CPQ: variants seen among roughly 807,000 people sequenced by gnomAD.
CPQ encodes Ser-Met dipeptidase.
Under a neutral mutation model 45.7 loss-of-function variants are expected in CPQ, and 37 were observed. That is an observed-to-expected ratio of 0.81 (90% CI 0.62 to 1.07). The LOEUF (loss-of-function observed/expected upper bound fraction) is 1.07. Among genes scored for constraint, CPQ ranks in the 50% least tolerant of loss-of-function variants. CPQ has a pLI of 0.00. For missense variants in CPQ, 537 were observed against 572.9 expected, an observed-to-expected ratio of 0.94 and a Z score of 0.64; for synonymous variants, 186 against 205.8, an observed-to-expected ratio of 0.90 and a Z score of 0.82.
chr8:96,771,263 C>T (rs985300235), intron 1 of CPQ, among the ~76,000 whole-genome samples: 1 of 151,466 alleles, frequency 6.6e-6, no homozygotes, highest in East Asian at 1.9e-4. Flanking sequence ...TTCTATTGTG[C>T]TCTTTACCTG....
chr8:97,080,459 A>G lies in CPQ; in HGVS notation c.1255+14249A>G, dbSNP rs146250889. On this transcript the variant is annotated intron_variant, in intron 7 of 7. Coordinates refer to ENST00000220763, the MANE Select transcript of CPQ (RefSeq NM_016134.4). ...AAATCACAGGAAAAACATCACAATT[A>G]AAGAGATTTTGGTAAAACTGAGTTA... 9.8e-5 allele frequency among the ~76,000 whole-genome samples: 15 copies of G among 152,344 alleles called. No individual in the cohort carries two copies. The East Asian group carries it at 2.1e-3, about 22-fold the overall frequency.
chr8:97,036,235 G>A (rs990343437), intron 6 of CPQ, among the ~76,000 whole-genome samples: 1 of 152,104 alleles, frequency 6.6e-6, no homozygotes, highest in Admixed American at 6.5e-5. Flanking sequence ...AGCCCAAAGG[G>A]GAGGACGATT....
chr8:97,129,608 C>G (rs1811906267), intron 7 of CPQ, among the ~76,000 whole-genome samples: 1 of 152,128 alleles, frequency 6.6e-6, no homozygotes, highest in Non-Finnish European at 1.5e-5. Flanking sequence ...TTCCCAATCT[C>G]TGTACCACGC....
chr8:97,067,973 C>T (rs897157939), intron 7 of CPQ, among the ~76,000 whole-genome samples: 8 of 152,256 alleles, frequency 5.3e-5, no homozygotes, highest in African/African-American at 1.9e-4. Flanking sequence ...GAATAAGCTG[C>T]TGTGTGGTAG....
At chr8:96,860,538 G>C (rs758477253) in intron 3 of CPQ, among the ~76,000 whole-genome samples, 10 of 152,126 alleles carry the variant, frequency 6.6e-5, no homozygotes, top group Non-Finnish European at 1.5e-4. Context: ...CAGACCATGA[G>C]GAGTGGGAAA....
chr8:97,011,872 A>C (rs1173324666), intron 5 of CPQ, among the ~76,000 whole-genome samples: 2 of 151,954 alleles, frequency 1.3e-5, no homozygotes, highest in Non-Finnish European at 2.9e-5. Flanking sequence ...CTATGCCATT[A>C]CTCTCATCCA....
intron 4 of CPQ, among the ~76,000 whole-genome samples, chr8:96,896,452 T>A (rs1812444133): frequency 6.6e-6 from 1 of 152,178 alleles, no homozygotes; most frequent in South Asian, 2.1e-4. Flanking sequence ...GTCACTTTCC[T>A]GTCTCTGTGC....
At chr8:96,825,596 CATAAA>C (rs1811369597) in intron 2 of CPQ, among the ~76,000 whole-genome samples, 1 of 152,042 alleles carries the variant, frequency 6.6e-6, no homozygotes, top group Non-Finnish European at 1.5e-5. Flanking sequence ...AATGAACTTT[CATAAA>C]ATGAAATCCA....
At chr8:96,924,247 G>A (rs1021558872) in intron 4 of CPQ, among the ~76,000 whole-genome samples, 2 of 152,290 alleles carry the variant, frequency 1.3e-5, no homozygotes, top group East Asian at 1.9e-4. Context: ...TTAAATGGAA[G>A]CATATCAGAG....
At chr8:96,880,030 A>G (rs1415069542) in intron 4 of CPQ, 25 bp downstream of exon 4, 1 of 1,590,862 alleles carries the variant, frequency 6.3e-7, no homozygotes, top group South Asian at 1.1e-5. Flanking sequence ...AGGCTGGCCT[A>G]AGAATACAGT....
At chr8:96,976,527 A>G (rs1009127204) in intron 5 of CPQ, among the ~76,000 whole-genome samples, 2 of 152,124 alleles carry the variant, frequency 1.3e-5, no homozygotes, top group African/African-American at 2.4e-5. Flanking sequence ...ACCAAAAAAG[A>G]GCCCGCATAG....
chr8:96,991,417 G>A (rs886455935), intron 5 of CPQ, among the ~76,000 whole-genome samples: 2 of 151,914 alleles, frequency 1.3e-5, no homozygotes, highest in Admixed American at 6.6e-5. Context: ...TTAGCTGGGC[G>A]TGGTGGCAGG....
intron 4 of CPQ, among the ~76,000 whole-genome samples, chr8:96,880,723 T>C (rs1397886246): frequency 1.3e-5 from 2 of 151,510 alleles, no homozygotes; most frequent in Non-Finnish European, 2.9e-5. Flanking sequence ...GAGCTAATCA[T>C]TGGGTACATG....
At chr8:97,124,832 C>A (rs1442424882) in intron 7 of CPQ, among the ~76,000 whole-genome samples, 5 of 152,002 alleles carry the variant, frequency 3.3e-5, no homozygotes, top group Non-Finnish European at 7.4e-5. Flanking sequence ...GAAGAAAGTT[C>A]TAAAATCAGT....
At chr8:96,692,247 C>T (rs1422792649) in intron 1 of CPQ, among the ~76,000 whole-genome samples, 1 of 152,156 alleles carries the variant, frequency 6.6e-6, no homozygotes, top group Non-Finnish European at 1.5e-5. Context: ...AGTAGAAGTG[C>T]AAGATTGTAC....
chr8:96,978,633 C>T (rs1248620879), intron 5 of CPQ, among the ~76,000 whole-genome samples: 3 of 152,102 alleles, frequency 2.0e-5, no homozygotes. Flanking sequence ...AGCTTCCTCC[C>T]CGATGTATGC....
chr8:97,045,255 A>G (rs1810222104), intron 6 of CPQ, among the ~76,000 whole-genome samples: 1 of 152,166 alleles, frequency 6.6e-6, no homozygotes, highest in Non-Finnish European at 1.5e-5. Context: ...TGTGCTAGCA[A>G]TCAGTGAGAC....
chr8:96,930,356 G>A (rs1054604253), intron 4 of CPQ, among the ~76,000 whole-genome samples: 1 of 152,284 alleles, frequency 6.6e-6, no homozygotes, highest in South Asian at 2.1e-4. Flanking sequence ...CCAAAGAGTT[G>A]GTTGAGATAG....
intron 1 of CPQ, among the ~76,000 whole-genome samples, chr8:96,730,363 T>G (rs936628902): frequency 3.9e-5 from 6 of 152,194 alleles, no homozygotes; most frequent in African/African-American, 1.4e-4. Context: ...TTGAGTTTGT[T>G]CTTCTTTGGT....
Sources: gnomAD v4.1 joint callset for allele counts (sites outside exome capture counted in the v4.1 genomes callset) on GRCh38, gnomAD v4.1.1 for gene constraint, MANE v1.5 for transcripts, NCBI Gene and HGNC (gene_info 2026-07-23, HGNC 2026-07-21) for gene names.